Variants in HCN1 observed in about 807,000 individuals in gnomAD.
The protein encoded by HCN1 is hyperpolarization activated cyclic nucleotide gated potassium channel 1.
Under a neutral mutation model 78.9 loss-of-function variants are expected in HCN1, and 13 were observed. The ratio of observed to expected loss-of-function variants is 0.16; its 90% confidence interval spans 0.11 to 0.26. HCN1 has a LOEUF of 0.26. Among genes scored for constraint, HCN1 ranks in the 10% least tolerant of loss-of-function variants. HCN1 has a pLI of 1.00. For synonymous variants in HCN1, 552 were observed against 455.5 expected, an observed-to-expected ratio of 1.21 and a Z score of -2.70; for missense variants, 810 against 1,154.3, an observed-to-expected ratio of 0.70 and a Z score of 4.32.
chr5:45,577,286 G>A (rs1743966761), intron 2 of HCN1, among the ~76,000 whole-genome samples: 1 of 151,996 alleles, frequency 6.6e-6, no homozygotes, highest in Non-Finnish European at 1.5e-5. Context: ...ATTAGAACAA[G>A]ACGAAAATCT....
chr5:45,499,176 C>A (rs367755772), intron 2 of HCN1, among the ~76,000 whole-genome samples: 2 of 152,180 alleles, frequency 1.3e-5, no homozygotes, highest in South Asian at 2.1e-4. Context: ...CACCCCTCCC[C>A]GAGCTTTGCT....
At chr5:45,390,914 A>T (rs1266249884) in intron 4 of HCN1, among the ~76,000 whole-genome samples, 1 of 152,156 alleles carries the variant, frequency 6.6e-6, no homozygotes, top group Non-Finnish European at 1.5e-5. Context: ...GGCTACATTA[A>T]GTTATTCCAA....
chr5:45,498,600 C>T (rs1280910921), intron 2 of HCN1, among the ~76,000 whole-genome samples: 3 of 152,226 alleles, frequency 2.0e-5, no homozygotes, highest in Non-Finnish European at 4.4e-5. Flanking sequence ...AAGTCATTTT[C>T]CGTCCAGCTT....
At chr5:45,313,958 G>A (rs1488426175) in intron 5 of HCN1, among the ~76,000 whole-genome samples, 1 of 152,174 alleles carries the variant, frequency 6.6e-6, no homozygotes, top group African/African-American at 2.4e-5. Context: ...ATATTATCCA[G>A]GAGAACTTCC....
chr5:45,290,569 A>T (rs1175197878), intron 6 of HCN1, among the ~76,000 whole-genome samples: 1 of 151,868 alleles, frequency 6.6e-6, no homozygotes, highest in African/African-American at 2.4e-5. Flanking sequence ...TAAAAATTGT[A>T]AAAAAAAGAC....
intron 6 of HCN1, among the ~76,000 whole-genome samples, chr5:45,279,351 A>C (rs1745118073): frequency 6.6e-6 from 1 of 152,174 alleles, no homozygotes; most frequent in Non-Finnish European, 1.5e-5. Context: ...AGCTTAACTG[A>C]GGTGTGATAC....
intron 2 of HCN1, chr5:45,644,553 G>C (rs1198518138): frequency 6.6e-6 from 1 of 152,192 alleles, no homozygotes; most frequent in African/African-American, 2.4e-5. Flanking sequence ...TATACTCTTT[G>C]TGTTTTCTAT....
chr5:45,549,601 T>A (rs1743315586), intron 2 of HCN1, among the ~76,000 whole-genome samples: 10 of 152,070 alleles, frequency 6.6e-5, no homozygotes, highest in Admixed American at 6.6e-4. Flanking sequence ...GTACTTCATG[T>A]CTAAAACACC....
intron 6 of HCN1, among the ~76,000 whole-genome samples, chr5:45,300,500 C>G (rs1273465630): frequency 6.6e-6 from 1 of 151,926 alleles, no homozygotes; most frequent in Non-Finnish European, 1.5e-5. Flanking sequence ...ATTTTCTCTT[C>G]CTTATTAATT....
At chr5:45,571,323 GT>G (rs1417726065) in intron 2 of HCN1, among the ~76,000 whole-genome samples, 1 of 152,082 alleles carries the variant, frequency 6.6e-6, no homozygotes, top group Non-Finnish European at 1.5e-5. Context: ...AAGTTTCATG[GT>G]TTTTTCTTGG....
chr5:45,438,599 A>C (rs1482351424), intron 3 of HCN1, among the ~76,000 whole-genome samples: 2 of 151,914 alleles, frequency 1.3e-5, no homozygotes, highest in South Asian at 4.1e-4. Context: ...CAAAAAAAAA[A>C]AAACAAAACA....
At chr5:45,649,360 T>C (rs574245213) in intron 1 of HCN1, among the ~76,000 whole-genome samples, 1 of 151,930 alleles carries the variant, frequency 6.6e-6, no homozygotes, top group Non-Finnish European at 1.5e-5. Flanking sequence ...CCCTCCCCAT[T>C]ATCAACATCC....
At chr5:45,410,501 T>C (rs1399917576) in intron 3 of HCN1, among the ~76,000 whole-genome samples, 1 of 152,074 alleles carries the variant, frequency 6.6e-6, no homozygotes, top group East Asian at 1.9e-4. Context: ...AGAACATGAA[T>C]GACGTCAGTT....
chr5:45,266,471 G>T (rs1744859718), intron 7 of HCN1, among the ~76,000 whole-genome samples: 2 of 152,024 alleles, frequency 1.3e-5, no homozygotes, highest in Non-Finnish European at 2.9e-5. Context: ...CATATTTTTA[G>T]TTCTATTTCA....
At chr5:45,655,634 G>A (rs951690683) in intron 1 of HCN1, among the ~76,000 whole-genome samples, 1 of 152,078 alleles carries the variant, frequency 6.6e-6, no homozygotes, top group Non-Finnish European at 1.5e-5. Context: ...GATGCTATAG[G>A]TATAGCTCAA....
At chr5:45,614,182 A>C (rs1381240247) in intron 2 of HCN1, among the ~76,000 whole-genome samples, 1 of 152,068 alleles carries the variant, frequency 6.6e-6, no homozygotes, top group African/African-American at 2.4e-5. Context: ...TATTTTCCAA[A>C]AGTTCCTCCC....
At position 45,327,037 on chromosome 5, in the gene HCN1, G is replaced by C. The variant is rs563856529; in HGVS notation, c.1378-23198C>G. 1.3e-4 allele frequency among the ~76,000 whole-genome samples: 20 copies of C among 151,834 alleles called. No homozygotes were observed. The South Asian group carries it at 3.7e-3, about 28-fold the overall frequency. ...TTAAGGAATTGTATATTGACAGGAA[G>C]AGTGTTCATTAGAGAATTTGTATCT... On this transcript the variant is annotated intron_variant, in intron 5 of 7. Coordinates refer to ENST00000303230, the MANE Select transcript of HCN1 (RefSeq NM_021072.4).
At chr5:45,694,792 C>A (rs1263826499) in intron 1 of HCN1, among the ~76,000 whole-genome samples, 1 of 152,226 alleles carries the variant, frequency 6.6e-6, no homozygotes, top group African/African-American at 2.4e-5. Context: ...CGAACGAATA[C>A]TTGAGCGACA....
Position 45,536,425 on chromosome 5 carries a change from CTT to C in HCN1, c.850-74420_850-74419del, listed in dbSNP as rs1481025369. Among the ~76,000 whole-genome samples the C allele has an allele frequency of 2.6e-5, 4 of 152,150 alleles. No homozygotes were observed. In the South Asian group the frequency reaches 6.2e-4, roughly 24 times the overall value. On this transcript the variant is annotated intron_variant, in intron 2 of 7. Transcript: ENST00000303230. ...AAAGTTCCATCTTCAACTCAACTGA[CTT>C]TATTTCCTGTCACCGCCAATCTTCT...
Sources: allele counts gnomAD v4.1 joint callset (sites outside exome capture counted in the v4.1 genomes callset), GRCh38; gene constraint gnomAD v4.1.1; transcripts MANE v1.5; gene names NCBI Gene and HGNC (gene_info 2026-07-23, HGNC 2026-07-21).